WDR91: variants seen among roughly 807,000 people sequenced by gnomAD.
WDR91 encodes the protein WD repeat domain 91.
In WDR91, 52 loss-of-function variants were observed where a neutral mutation model predicts 88.4. The ratio of observed to expected loss-of-function variants is 0.59; its 90% confidence interval spans 0.47 to 0.74. The LOEUF is 0.74. Among genes scored for constraint, WDR91 ranks in the 30% least tolerant of loss-of-function variants. The pLI is 0.00. For missense variants in WDR91, 824 were observed against 954.5 expected (o/e 0.86, Z 1.80); for synonymous variants, 362 against 389.5 (o/e 0.93, Z 0.83).
At position 135,186,259 on chromosome 7, in the gene WDR91, G is replaced by A. The variant is rs376215263; in HGVS notation, c.2136C>T (p.Ala712=). 14 of 1,612,438 alleles carry A rather than the reference G, an allele frequency of 8.7e-6. No homozygotes were observed. Among genetic ancestry groups the A allele is most frequent in the African/African-American group, 4.0e-5 (3 of 74,754 alleles). Residue 712 remains alanine, a synonymous_variant, in exon 15 of 15, where the codon GCC becomes GCT. Transcript: ENST00000354475. Reference sequence around the variant, plus strand: ...TGCTCCAGTCCACGGTGACCACAGGGGCTCGGTGGCCACCTAGGCTCAAGC... The same window carrying A: ...TGCTCCAGTCCACGGTGACCACAGGAGCTCGGTGGCCACCTAGGCTCAAGC... ...ESCLSLGGHR[A]PVVTVDWSTA...
intron 1 of WDR91, 129 bp downstream of exon 1, chr7:135,211,251 C>A: frequency 1.4e-6 from 2 of 1,397,202 alleles, no homozygotes; most frequent in East Asian, 5.1e-5. Context: ...GGGTCGGACG[C>A]GCTGAGGTCT....
At position 135,193,781 on chromosome 7, in the gene WDR91, C is replaced by T; in HGVS notation, c.1396-109G>A. On this transcript the variant is annotated intron_variant, in intron 9 of 14. Transcript: ENST00000354475. The stretch of plus-strand genomic sequence containing the variant: ...GGCAGGCTGTGGGGGTGAGGCCCCT[C>T]CTCTACGCATCCAGGCAGTTCAGGG... The T allele has an allele frequency of 3.6e-6, 3 of 837,972 alleles. No individual in the cohort carries two copies. The South Asian group carries it at 4.5e-5, about 13-fold the overall frequency. The allele number at this position is 837,972 out of a possible 1,614,324, so 51.9% of individuals were successfully genotyped here.
chr7:135,194,785 G>T, intron 9 of WDR91, 149 bp downstream of exon 9: 2 of 1,084,532 alleles, frequency 1.8e-6, no homozygotes, highest in Non-Finnish European at 1.3e-6. Flanking sequence ...GAGCCTTCTG[G>T]GCCAGTCCTG....
At chr7:135,195,471 A>G (rs17168304) in intron 8 of WDR91, among the ~76,000 whole-genome samples, 38,682 of 152,248 alleles carry the variant, frequency 0.25, 5,013 homozygotes, top group African/African-American at 0.28. Context: ...GCTGAAAATT[A>G]TGCCCCACCA....
Position 135,204,298 on chromosome 7 carries a change from GCT to G in WDR91, c.859_860del (p.Ser287LeufsTer77), listed in dbSNP as rs1285240626. ...SPAQGPPQPQ[S>X]SAKKESFGGQ... is the part of the protein sequence containing the mutation. Reference sequence around the variant, plus strand: ...CACCGAAGGACTCTTTCTTGGCCGAGCTCTGAGGTTGAGGAGGGCCCTGAGCA... The same window carrying G: ...CACCGAAGGACTCTTTCTTGGCCGAGCTGAGGTTGAGGAGGGCCCTGAGCA... On this transcript the variant is annotated frameshift_variant, in exon 6 of 15. Transcript: ENST00000354475. LOFTEE classifies it high-confidence loss of function. 6 of 1,614,026 alleles carry G rather than the reference GCT, an allele frequency of 3.7e-6. No individual in the cohort carries two copies. Among genetic ancestry groups the G allele is most frequent in the Non-Finnish European group, 4.2e-6 (5 of 1,180,030 alleles).
chr7:135,191,142 G>A (rs908715096), intron 11 of WDR91, among the ~76,000 whole-genome samples: 2 of 152,240 alleles, frequency 1.3e-5, no homozygotes, highest in Admixed American at 1.3e-4. Context: ...AAGGCAGCCA[G>A]AGGATGGACC....
Position 135,193,267 on chromosome 7 carries a change from C to T in WDR91, c.1623G>A (p.Arg541=). The T allele has an allele frequency of 1.2e-6, 2 of 1,614,160 alleles. No individual in the cohort carries two copies. Among genetic ancestry groups the T allele is most frequent in the South Asian group, 2.2e-5 (2 of 91,082 alleles). Residue 541 remains arginine (R), a synonymous_variant, in exon 11 of 15, where the codon AGG becomes AGA. Coordinates refer to ENST00000354475, the MANE Select transcript of WDR91 (RefSeq NM_014149.4). ...TGGTTTTCGTGTCCCACAGCAGCAG[C>T]CTGCCAGGAACCTGGTTCATGCCCT... The part of the protein sequence containing the change: ...GSKGMNQVPG[R]LLLWDTKTMK...
At position 135,211,438 on chromosome 7, in the gene WDR91, G is replaced by A. The variant is rs142902910; in HGVS notation, c.65C>T (p.Thr22Met). 2.3e-5 allele frequency: 37 copies of A among 1,612,366 alleles called. No individual in the cohort carries two copies. In the African/African-American group the frequency reaches 4.1e-4, roughly 18 times the overall value. ...VREYLLFRGF[T>M]HTLRQLDAEI... ...GGCGTCCAGCTGCCGCAGTGTGTGC[G>A]TGAACCCGCGGAAGAGCAGGTACTC... The change falls in exon 1 of 15, where the codon ACG (threonine) becomes ATG (methionine). Residue 22 changes from threonine (T) to methionine (M), a missense_variant. Thr to Met is a moderately conservative substitution (Grantham distance 81, BLOSUM62 -1). Transcript: ENST00000354475.
At chr7:135,188,364 T>C (rs1253311346) in intron 13 of WDR91, 69 bp downstream of exon 13, 4 of 1,359,954 alleles carry the variant, frequency 2.9e-6, no homozygotes, top group African/African-American at 2.9e-5. Context: ...GTAACAGGTA[T>C]GGCCACAACC....
Position 135,199,796 on chromosome 7 carries a change from C to A in WDR91, c.892-1645G>T, listed in dbSNP as rs768807844. ...CAGCCCCTCCACTGGATAATGGTGT[C>A]TTTTCCTTTTTCAGCAACAGTAAAG... On this transcript the variant is annotated intron_variant, in intron 6 of 14. Coordinates refer to ENST00000354475, the MANE Select transcript of WDR91 (RefSeq NM_014149.4). 2.0e-5 allele frequency: 3 copies of A among 148,988 alleles called. No individual in the cohort carries two copies. The East Asian group carries it at 5.9e-4, about 29-fold the overall frequency. 9.2% of individuals were successfully genotyped at this position (148,988 alleles called of 1,614,324 possible).
rs746011692 is a variant in WDR91 at position 135,205,919 on chromosome 7, C to A, written c.725+9G>T. ...CAAAGAAAAGGAAAGGGCCGTCACA[C>A]ACACTCACAGTTCCGAGTCCCCCAG... On this transcript the variant is annotated intron_variant, in intron 5 of 14. Coordinates refer to ENST00000354475, the MANE Select transcript of WDR91 (RefSeq NM_014149.4). 3.1e-6 allele frequency: 5 copies of A among 1,613,032 alleles called. No individual in the cohort carries two copies. Among genetic ancestry groups the A allele is most frequent in the Non-Finnish European group, 4.2e-6 (5 of 1,180,022 alleles).
chr7:135,190,776 G>A (rs934177086), intron 11 of WDR91, among the ~76,000 whole-genome samples: 1 of 152,174 alleles, frequency 6.6e-6, no homozygotes, highest in Non-Finnish European at 1.5e-5. Flanking sequence ...GTAGAGGAGA[G>A]ATTAGCAAAC....
At chr7:135,188,225 C>T (rs1831025736) in intron 13 of WDR91, among the ~76,000 whole-genome samples, 1 of 152,188 alleles carries the variant, frequency 6.6e-6, no homozygotes, top group African/African-American at 2.4e-5. Flanking sequence ...TTTGGTACTT[C>T]CTTTCATAAG....
At position 135,195,808 on chromosome 7, in the gene WDR91, G is replaced by A. The variant is rs1305543615; in HGVS notation, c.1244+336C>T. 2.0e-5 allele frequency among the ~76,000 whole-genome samples: 3 copies of A among 152,160 alleles called. No homozygotes were observed. The East Asian group carries it at 5.8e-4, about 29-fold the overall frequency. ...CTACAAATATAAAAATCAGATGGGT[G>A]TGGTGGCAGGCATCTGTAATTCCAG... On this transcript the variant is annotated intron_variant, in intron 8 of 14. Transcript: ENST00000354475.
intron 6 of WDR91, among the ~76,000 whole-genome samples, chr7:135,203,751 G>A (rs1176846338): frequency 1.3e-5 from 2 of 151,860 alleles, no homozygotes; most frequent in East Asian, 4.1e-4. Flanking sequence ...AAATTTATGA[G>A]AAAAGAGGGG....
intron 11 of WDR91, among the ~76,000 whole-genome samples, chr7:135,191,718 T>C (rs1831173000): frequency 1.3e-5 from 2 of 151,882 alleles, no homozygotes; most frequent in South Asian, 2.1e-4. Context: ...CTAAAAAGTA[T>C]TGGTGATGTT....
chr7:135,206,858 G>A (rs2117715716), intron 4 of WDR91: 1 of 234,454 alleles, frequency 4.3e-6, no homozygotes, highest in Non-Finnish European at 8.5e-6. Context: ...GATGCATATA[G>A]TCTTTTTCTC....
chr7:135,204,216 G>A (rs1281111084), intron 6 of WDR91, 52 bp downstream of exon 6: 4 of 1,596,556 alleles, frequency 2.5e-6, no homozygotes, highest in African/African-American at 1.3e-5. Context: ...GAAGCACAGG[G>A]AGCTGTCACG....
At chr7:135,210,782 G>C in intron 1 of WDR91, 1 of 703,590 alleles carries the variant, frequency 1.4e-6, no homozygotes, top group East Asian at 2.7e-5. Context: ...GCCTCTCATT[G>C]AAGTCAGTAC....
Sources: allele counts gnomAD v4.1 joint callset (sites outside exome capture counted in the v4.1 genomes callset), GRCh38; gene constraint gnomAD v4.1.1; transcripts MANE v1.5; gene names NCBI Gene and HGNC (gene_info 2026-07-23, HGNC 2026-07-21).